Variants in RAB2A observed in about 807,000 individuals in gnomAD.
RAB2A encodes ras-related protein Rab-2A.
A neutral mutation model predicts 32.5 loss-of-function variants in RAB2A; 7 were observed. That is an observed-to-expected ratio of 0.22 (90% CI 0.12 to 0.40). The LOEUF (loss-of-function observed/expected upper bound fraction) is 0.40, where lower values mean the gene tolerates loss of function less well. Among genes scored for constraint, RAB2A ranks in the 10% least tolerant of loss-of-function variants. RAB2A has a pLI of 1.00. For synonymous variants in RAB2A, 79 were observed against 85.2 expected (o/e 0.93, Z 0.40); for missense variants, 108 against 260.7 (o/e 0.41, Z 4.03).
intron 1 of RAB2A, among the ~76,000 whole-genome samples, chr8:60,548,956 T>C (rs1807796921): frequency 6.8e-6 from 1 of 147,782 alleles, no homozygotes; most frequent in South Asian, 2.1e-4. Context: ...TCTCCTCACT[T>C]CTCAGACGGG....
At chr8:60,556,346 AAG>A (rs1251887236) in intron 1 of RAB2A, among the ~76,000 whole-genome samples, 2 of 152,208 alleles carry the variant, frequency 1.3e-5, no homozygotes, top group African/African-American at 4.8e-5. Context: ...AAATAGCTAC[AAG>A]AGAGGATTTT....
At chr8:60,560,900 A>G (rs1422182858) in intron 2 of RAB2A, among the ~76,000 whole-genome samples, 1 of 152,196 alleles carries the variant, frequency 6.6e-6, no homozygotes, top group African/African-American at 2.4e-5. Flanking sequence ...AGTAGACCCA[A>G]GAATTGTTTG....
intron 6 of RAB2A, among the ~76,000 whole-genome samples, chr8:60,594,820 T>C (rs1366134685): frequency 6.6e-6 from 1 of 152,260 alleles, no homozygotes; most frequent in Non-Finnish European, 1.5e-5. Flanking sequence ...ACTCAACTTT[T>C]TTATGGCTGC....
intron 2 of RAB2A, among the ~76,000 whole-genome samples, chr8:60,570,353 TCTGTCTGATACCTCG>T: frequency 6.6e-6 from 1 of 152,284 alleles, no homozygotes; most frequent in East Asian, 1.9e-4. Flanking sequence ...AAGCCTCTAC[TCTGTCTGATACCTCG>T]CTGACATGTA....
intron 3 of RAB2A, among the ~76,000 whole-genome samples, chr8:60,573,857 G>A (rs571709909): frequency 2.4e-4 from 37 of 152,264 alleles, no homozygotes; most frequent in South Asian, 2.1e-4. Context: ...ATCATAGCTC[G>A]CTGCAGCCTC....
intron 1 of RAB2A, among the ~76,000 whole-genome samples, chr8:60,532,317 G>C (rs1242664192): frequency 6.6e-6 from 1 of 152,188 alleles, no homozygotes; most frequent in Non-Finnish European, 1.5e-5. Context: ...AAAAGTATAT[G>C]TGTCCCAAAT....
intron 6 of RAB2A, among the ~76,000 whole-genome samples, chr8:60,593,443 A>G (rs1198464626): frequency 1.3e-5 from 2 of 152,240 alleles, no homozygotes; most frequent in Non-Finnish European, 2.9e-5. Flanking sequence ...GAACCAGGAA[A>G]TAGGCAGGTC....
chr8:60,520,158 GA>G (rs1807279746), intron 1 of RAB2A, among the ~76,000 whole-genome samples: 2 of 152,182 alleles, frequency 1.3e-5, no homozygotes, highest in South Asian at 4.1e-4. Flanking sequence ...TTTCTCAAAG[GA>G]AAGGAACAAT....
intron 6 of RAB2A, among the ~76,000 whole-genome samples, chr8:60,615,265 T>C (rs971448769): frequency 6.6e-6 from 1 of 152,212 alleles, no homozygotes; most frequent in Non-Finnish European, 1.5e-5. Flanking sequence ...TAAGTACCTA[T>C]GCTATTTTAG....
chr8:60,536,029 C>CT (rs1389183623), intron 1 of RAB2A, among the ~76,000 whole-genome samples: 2 of 152,160 alleles, frequency 1.3e-5, no homozygotes, highest in African/African-American at 4.8e-5. Context: ...GATAATATTG[C>CT]TGTTAGCCTT....
At chr8:60,521,702 C>A (rs965326482) in intron 1 of RAB2A, among the ~76,000 whole-genome samples, 2 of 152,142 alleles carry the variant, frequency 1.3e-5, no homozygotes, top group African/African-American at 4.8e-5. Context: ...TTCACTGCAA[C>A]CTCCACCTCT....
rs767782287 is a variant in RAB2A at position 60,620,658 on chromosome 8, TTC to T, written c.544-12_544-11del. ...TTGTCTGGTCATATTTATTGTTCTG[TTC>T]TCTTTTATTTCAGGCAAATGGCATT... On this transcript the variant is annotated splice_polypyrimidine_tract_variant and intron_variant, in intron 7 of 7. Transcript: ENST00000262646. The T allele has an allele frequency of 1.3e-6, 2 of 1,564,614 alleles. No homozygotes were observed. The highest frequency in any genetic ancestry group is 1.8e-6 in the Non-Finnish European group (2 of 1,136,840).
At chr8:60,520,666 A>G (rs879332785) in intron 1 of RAB2A, among the ~76,000 whole-genome samples, 4 of 152,054 alleles carry the variant, frequency 2.6e-5, no homozygotes, top group Non-Finnish European at 4.4e-5. Flanking sequence ...AACAAATCCT[A>G]CCACTCCCTG....
chr8:60,561,136 G>A (rs1477124339), intron 2 of RAB2A, among the ~76,000 whole-genome samples: 1 of 152,164 alleles, frequency 6.6e-6, no homozygotes, highest in East Asian at 1.9e-4. Context: ...CCAGCCTAGG[G>A]GTGGTAGCAG....
chr8:60,613,861 G>T (rs1245380303), intron 6 of RAB2A, among the ~76,000 whole-genome samples: 1 of 152,066 alleles, frequency 6.6e-6, no homozygotes, highest in Non-Finnish European at 1.5e-5. Flanking sequence ...TCATAGCATT[G>T]ACTTTTAGCA....
chr8:60,583,616 T>A (rs1443546327), intron 3 of RAB2A, among the ~76,000 whole-genome samples: 1 of 152,240 alleles, frequency 6.6e-6, no homozygotes, highest in East Asian at 1.9e-4. Flanking sequence ...ATAAAATGAT[T>A]GCTCAAAGAA....
chr8:60,572,687 G>A (rs1808213730), intron 3 of RAB2A, among the ~76,000 whole-genome samples: 3 of 152,090 alleles, frequency 2.0e-5, no homozygotes, highest in Admixed American at 2.0e-4. Flanking sequence ...TGAAGTTACT[G>A]TATTATATAC....
At chr8:60,526,046 T>C (rs939793007) in intron 1 of RAB2A, among the ~76,000 whole-genome samples, 2 of 121,404 alleles carry the variant, frequency 1.6e-5, no homozygotes, top group Non-Finnish European at 3.4e-5. Context: ...TATATATATA[T>C]ATATATATAT....
chr8:60,611,799 A>G (rs955175421), intron 6 of RAB2A, among the ~76,000 whole-genome samples: 1 of 152,228 alleles, frequency 6.6e-6, no homozygotes, highest in Non-Finnish European at 1.5e-5. Context: ...GTTTAAATCC[A>G]CTTGAATTAC....
Sources: allele counts gnomAD v4.1 joint callset (sites outside exome capture counted in the v4.1 genomes callset), GRCh38; gene constraint gnomAD v4.1.1; transcripts MANE v1.5; gene names NCBI Gene and HGNC (gene_info 2026-07-23, HGNC 2026-07-21).